Variants in LRRC4C observed in about 807,000 individuals in gnomAD.
LRRC4C encodes the protein leucine rich repeat containing 4C.
Under a neutral mutation model 33.6 loss-of-function variants are expected in LRRC4C, and 5 were observed. The ratio of observed to expected loss-of-function variants is 0.15; its 90% CI spans 0.08 to 0.31. The LOEUF is 0.31. Ranked by LOEUF, LRRC4C falls within the 10% of genes least tolerant of loss-of-function variation. The pLI is 1.00. For missense variants in LRRC4C, 560 were observed against 796.7 expected (o/e 0.70, Z 3.58); for synonymous variants, 329 against 302.0 (o/e 1.09, Z -0.93).
intron 5 of LRRC4C, among the ~76,000 whole-genome samples, chr11:40,158,237 A>T (rs897949938): frequency 8.5e-5 from 13 of 152,112 alleles, no homozygotes; most frequent in African/African-American, 2.9e-4. Context: ...CATAAAAATG[A>T]TACAGTGGAC....
chr11:40,924,210 C>A (rs1408135634), intron 2 of LRRC4C, among the ~76,000 whole-genome samples: 1 of 151,520 alleles, frequency 6.6e-6, no homozygotes, highest in Non-Finnish European at 1.5e-5. Flanking sequence ...CAAAGTATGG[C>A]CCTCACACCC....
intron 5 of LRRC4C, among the ~76,000 whole-genome samples, chr11:40,188,869 A>C (rs1450618450): frequency 6.6e-6 from 1 of 152,240 alleles, no homozygotes; most frequent in African/African-American, 2.4e-5. Context: ...GTGCACACCT[A>C]TGCAAGTCTT....
At chr11:41,410,689 T>C (rs2958855) in intron 1 of LRRC4C, among the ~76,000 whole-genome samples, 140,748 of 152,142 alleles carry the variant, frequency 0.93, 65,199 homozygotes, top group East Asian at 1. Context: ...ATCCACCCGC[T>C]TCGGCCTCCC....
chr11:40,509,079 A>G (rs546575789), intron 3 of LRRC4C, among the ~76,000 whole-genome samples: 98 of 152,278 alleles, frequency 6.4e-4, no homozygotes, highest in Non-Finnish European at 1.2e-3. Flanking sequence ...TTCTGATCAC[A>G]TATATCAAGG....
intron 1 of LRRC4C, among the ~76,000 whole-genome samples, chr11:41,111,919 T>G (rs954848131): frequency 6.6e-6 from 1 of 151,936 alleles, no homozygotes; most frequent in Non-Finnish European, 1.5e-5. Context: ...TATCAGAGAT[T>G]AGAGAAAATA....
intron 3 of LRRC4C, among the ~76,000 whole-genome samples, chr11:40,433,371 A>G (rs1450832888): frequency 1.4e-5 from 2 of 144,206 alleles, no homozygotes; most frequent in Non-Finnish European, 2.9e-5. Context: ...AGACACAAAA[A>G]GGTATTTTAA....
At chr11:41,226,130 A>T (rs975491749) in intron 1 of LRRC4C, among the ~76,000 whole-genome samples, 1 of 152,174 alleles carries the variant, frequency 6.6e-6, no homozygotes, top group African/African-American at 2.4e-5. Context: ...GGACATGGAA[A>T]TGTGGAGTCT....
At chr11:41,436,245 T>C (rs1051949933) in intron 1 of LRRC4C, among the ~76,000 whole-genome samples, 1 of 152,214 alleles carries the variant, frequency 6.6e-6, no homozygotes, top group Admixed American at 6.5e-5. Flanking sequence ...GGAACAGTTT[T>C]TTCACTGAAT....
intron 1 of LRRC4C, among the ~76,000 whole-genome samples, chr11:41,341,533 A>G (rs899555539): frequency 6.6e-6 from 1 of 152,126 alleles, no homozygotes; most frequent in African/African-American, 2.4e-5. Flanking sequence ...GTTGGAATCA[A>G]TGGAGTTTTC....
chr11:40,692,797 A>G (rs1945285471), intron 2 of LRRC4C, among the ~76,000 whole-genome samples: 1 of 152,062 alleles, frequency 6.6e-6, no homozygotes, highest in African/African-American at 2.4e-5. Context: ...GGCTATATGT[A>G]TAGGGTGATG....
At chr11:40,588,358 A>C (rs9736280) in intron 3 of LRRC4C, among the ~76,000 whole-genome samples, 40,124 of 151,678 alleles carry the variant, frequency 0.26, 5,480 homozygotes, top group Middle Eastern at 0.36. Flanking sequence ...CTATTTGATT[A>C]TTCTCTCTTT....
intron 1 of LRRC4C, among the ~76,000 whole-genome samples, chr11:41,132,789 G>T (rs541824692): frequency 6.6e-6 from 1 of 152,126 alleles, no homozygotes; most frequent in South Asian, 2.1e-4. Context: ...CTTTTATTAA[G>T]CAATTACTCT....
At chr11:40,722,612 TGAC>T (rs1947081093) in intron 2 of LRRC4C, among the ~76,000 whole-genome samples, 1 of 152,174 alleles carries the variant, frequency 6.6e-6, no homozygotes. Flanking sequence ...CCCTTCTGAC[TGAC>T]AACAAATTTA....
At chr11:41,441,442 T>C in intron 1 of LRRC4C, among the ~76,000 whole-genome samples, 2 of 151,494 alleles carry the variant, frequency 1.3e-5, no homozygotes, top group Non-Finnish European at 2.9e-5. Flanking sequence ...TTTATCATGG[T>C]GGGCTAGAGG....
chr11:40,789,347 G>T (rs1950541405), intron 2 of LRRC4C, among the ~76,000 whole-genome samples: 1 of 152,030 alleles, frequency 6.6e-6, no homozygotes, highest in African/African-American at 2.4e-5. Context: ...ACTAGTCTGG[G>T]ATACCGAAAA....
At chr11:41,426,178 C>T (rs902639456) in intron 1 of LRRC4C, 7 of 152,190 alleles carry the variant, frequency 4.6e-5, no homozygotes, top group African/African-American at 1.7e-4. Flanking sequence ...CCAGGCAGAA[C>T]ACACTAGTGA....
chr11:41,444,922 G>A (rs1955771468), intron 1 of LRRC4C, among the ~76,000 whole-genome samples: 1 of 151,688 alleles, frequency 6.6e-6, no homozygotes, highest in Non-Finnish European at 1.5e-5. Context: ...TCCTGCCTCA[G>A]CCTCCCGAAT....
At chr11:40,649,886 C>A (rs1017221271) in intron 2 of LRRC4C, among the ~76,000 whole-genome samples, 7 of 152,170 alleles carry the variant, frequency 4.6e-5, no homozygotes, top group Admixed American at 2.6e-4. Context: ...TGACTTCCCA[C>A]AACAAATTGT....
chr11:40,162,876 T>C (rs1277172549), intron 5 of LRRC4C, among the ~76,000 whole-genome samples: 1 of 152,228 alleles, frequency 6.6e-6, no homozygotes, highest in Non-Finnish European at 1.5e-5. Flanking sequence ...TGTTTAGTGA[T>C]CATTTTCATG....
Sources: allele counts gnomAD v4.1 joint callset (sites outside exome capture counted in the v4.1 genomes callset), GRCh38; gene constraint gnomAD v4.1.1; transcripts MANE v1.5; gene names NCBI Gene and HGNC (gene_info 2026-07-23, HGNC 2026-07-21).